ATRN: variants seen among roughly 807,000 people sequenced by gnomAD.
ATRN encodes the protein attractin.
ATRN carries 54 observed loss-of-function variants against 178.7 expected under a neutral mutation model. That is an observed-to-expected ratio of 0.30 (90% CI 0.24 to 0.38). ATRN has a LOEUF of 0.38. Among genes scored for constraint, ATRN ranks in the 10% least tolerant of loss-of-function variants. The pLI is 1.00. For missense variants in ATRN, 1,443 were observed against 1,815.1 expected, an observed-to-expected ratio of 0.79 and a Z score of 3.73; for synonymous variants, 636 against 663.0, an observed-to-expected ratio of 0.96 and a Z score of 0.63.
At chr20:3,614,671 C>T (rs1004890500) in intron 24 of ATRN, among the ~76,000 whole-genome samples, 1 of 152,178 alleles carries the variant, frequency 6.6e-6, no homozygotes, top group Non-Finnish European at 1.5e-5. Flanking sequence ...ACAGTTCGCT[C>T]ATTTAAAGTA....
intron 7 of ATRN, 129 bp from the exon 8 acceptor site, chr20:3,560,533 G>T (rs1407418759): frequency 1.4e-6 from 1 of 739,780 alleles, no homozygotes; most frequent in East Asian, 2.7e-5. Flanking sequence ...GGATCATAGG[G>T]TAGTTCTATT....
At chr20:3,493,891 G>A (rs749488711) in intron 1 of ATRN, among the ~76,000 whole-genome samples, 1 of 152,156 alleles carries the variant, frequency 6.6e-6, no homozygotes, top group Non-Finnish European at 1.5e-5. Context: ...AACTGTGTTA[G>A]AGTTGATACT....
At chr20:3,539,194 T>A (rs1268091040) in intron 2 of ATRN, among the ~76,000 whole-genome samples, 1 of 152,216 alleles carries the variant, frequency 6.6e-6, no homozygotes, top group Non-Finnish European at 1.5e-5. Context: ...CAGGATATAA[T>A]GATGTTGATA....
At chr20:3,528,746 TAAC>T (rs2085409470) in intron 1 of ATRN, among the ~76,000 whole-genome samples, 1 of 152,022 alleles carries the variant, frequency 6.6e-6, no homozygotes, top group South Asian at 2.1e-4. Context: ...GCAAAAATAA[TAAC>T]AAGCACATTA....
At chr20:3,547,896 A>G (rs2085731855) in intron 5 of ATRN, among the ~76,000 whole-genome samples, 1 of 149,268 alleles carries the variant, frequency 6.7e-6, no homozygotes, top group South Asian at 2.2e-4. Flanking sequence ...AGTTATCTAC[A>G]GAAATAATTA....
intron 1 of ATRN, among the ~76,000 whole-genome samples, chr20:3,508,653 A>G (rs2085080752): frequency 6.6e-6 from 1 of 152,218 alleles, no homozygotes; most frequent in South Asian, 2.1e-4. Context: ...TTCCGTAAGC[A>G]GAGGAGAATG....
chr20:3,522,219 G>C (rs2085305269), intron 1 of ATRN, among the ~76,000 whole-genome samples: 1 of 152,226 alleles, frequency 6.6e-6, no homozygotes, highest in Non-Finnish European at 1.5e-5. Flanking sequence ...ATTTTGGAAT[G>C]AATGAAAGTG....
chr20:3,573,146 T>C (rs1213643959), intron 12 of ATRN, among the ~76,000 whole-genome samples, 195 bp downstream of exon 12: 1 of 152,166 alleles, frequency 6.6e-6, no homozygotes, highest in Non-Finnish European at 1.5e-5. Flanking sequence ...GCCATGTGGC[T>C]CCTAGAAGCT....
intron 1 of ATRN, among the ~76,000 whole-genome samples, chr20:3,493,732 T>G (rs1023926927): frequency 5.3e-5 from 8 of 152,214 alleles, no homozygotes; most frequent in Admixed American, 4.6e-4. Context: ...TTCAGATGTC[T>G]TTGAAAGAAA....
intron 11 of ATRN, among the ~76,000 whole-genome samples, chr20:3,567,182 C>G (rs916727380): frequency 2.0e-5 from 3 of 152,100 alleles, no homozygotes; most frequent in African/African-American, 2.4e-5. Context: ...TTAAAGCTTT[C>G]TAGCAAGTGC....
rs1205684459 is a variant in ATRN, at chr20:3,524,678, C to T, written c.411-10575C>T. Among the ~76,000 whole-genome samples the T allele has an allele frequency of 2.6e-5, 4 of 152,320 alleles. No homozygotes were observed. In the East Asian group the frequency reaches 5.8e-4, roughly 22 times the overall value. On this transcript the variant is annotated intron_variant, in intron 1 of 28. Transcript: ENST00000262919. ...ACATAATTGGAAGTAAAACACTCCT[C>T]AGCAAATGCAAAAGAATAGAAATCA...
At position 3,471,449 on chromosome 20, in the gene ATRN, C is replaced by A; in HGVS notation, c.342C>A (p.Gly114=). 1.4e-6 allele frequency: 2 copies of A among 1,441,212 alleles called. No individual in the cohort carries two copies. The highest frequency in any genetic ancestry group is 3.0e-5 in the East Asian group (1 of 33,590). 89.3% of individuals were successfully genotyped at this position (1,441,212 alleles called of 1,614,324 possible). Reference sequence around the variant, plus strand: ...TCAACGGCGGTCGCTGCAACCCTGGCACCGGCCAGTGCGTCTGCCCCGCCG... The same window carrying A: ...TCAACGGCGGTCGCTGCAACCCTGGAACCGGCCAGTGCGTCTGCCCCGCCG... ...PCVNGGRCNP[G]TGQCVCPAGW... is the part of the protein sequence containing the mutation. Residue 114 remains glycine, a synonymous_variant, in exon 1 of 29, where the codon GGC becomes GGA. Coordinates refer to ENST00000262919, the MANE Select transcript of ATRN (RefSeq NM_139321.3).
At chr20:3,582,082 A>T in intron 15 of ATRN, 53 bp from the exon 16 acceptor site, 1 of 1,519,172 alleles carries the variant, frequency 6.6e-7, no homozygotes, top group Non-Finnish European at 9.1e-7. Flanking sequence ...TCCAAAATTT[A>T]AATTAAAAAA....
intron 13 of ATRN, 131 bp from the exon 14 acceptor site, chr20:3,576,728 T>TCTATCTATCTAA (rs1211519257): frequency 6.8e-6 from 5 of 734,994 alleles, no homozygotes; most frequent in Middle Eastern, 2.4e-4. Context: ...TATCTATCTA[T>TCTATCTATCTAA]CTATCTGTCT....
chr20:3,532,455 A>G (rs868749827), intron 1 of ATRN, among the ~76,000 whole-genome samples: 36 of 152,356 alleles, frequency 2.4e-4, no homozygotes, highest in Middle Eastern at 3.4e-3. Context: ...GTGTTCAGGC[A>G]TAGCACAGGC....
chr20:3,512,107 A>ATATATATATATATATATATT, intron 1 of ATRN, among the ~76,000 whole-genome samples: 9 of 106,382 alleles, frequency 8.5e-5, no homozygotes, highest in Non-Finnish European at 1.6e-4. Flanking sequence ...ATATATATAT[A>ATATATATATATATATATATT]TTTTTTTTTT....
chr20:3,547,700 G>A (rs572340087), intron 5 of ATRN, among the ~76,000 whole-genome samples: 3 of 152,186 alleles, frequency 2.0e-5, no homozygotes, highest in African/African-American at 7.2e-5. Flanking sequence ...TGGAGGGTTG[G>A]CCATTTTTTG....
intron 23 of ATRN, among the ~76,000 whole-genome samples, chr20:3,601,860 A>G (rs978546303): frequency 8.3e-5 from 12 of 145,114 alleles, no homozygotes; most frequent in South Asian, 2.2e-4. Context: ...GCAAGATCCC[A>G]TCTCTTTAAA....
At chr20:3,500,499 T>C (rs949777895) in intron 1 of ATRN, among the ~76,000 whole-genome samples, 1 of 151,510 alleles carries the variant, frequency 6.6e-6, no homozygotes, top group Non-Finnish European at 1.5e-5. Context: ...TGGAATACTA[T>C]GCAGCCATAA....
Sources: gnomAD v4.1 joint callset for allele counts (sites outside exome capture counted in the v4.1 genomes callset) on GRCh38, gnomAD v4.1.1 for gene constraint, MANE v1.5 for transcripts, NCBI Gene and HGNC (gene_info 2026-07-23, HGNC 2026-07-21) for gene names.